The following ATG7 variants were observed in gnomAD, a reference collection of about 807,000 sequenced individuals.
ATG7 encodes autophagy related 7.
Under a neutral mutation model 82.4 loss-of-function variants are expected in ATG7, and 70 were observed. The observed-to-expected ratio is 0.85, with a 90% confidence interval of 0.70 to 1.04. The LOEUF (loss-of-function observed/expected upper bound fraction) is 1.04, where lower values mean the gene tolerates loss of function less well. ATG7 is among the 50% of genes least tolerant of loss of function. The pLI is 0.00. For missense variants in ATG7, 792 were observed against 864.3 expected, an observed-to-expected ratio of 0.92 and a Z score of 1.05; for synonymous variants, 287 against 313.0, an observed-to-expected ratio of 0.92 and a Z score of 0.88.
At chr3:11,511,003 C>A (rs6792986) in intron 20 of ATG7, among the ~76,000 whole-genome samples, 3 of 151,904 alleles carry the variant, frequency 2.0e-5, no homozygotes, top group Non-Finnish European at 4.4e-5. Context: ...CAGATGTGTT[C>A]GGAGTTTCTT....
intron 20 of ATG7, among the ~76,000 whole-genome samples, chr3:11,476,143 G>T (rs2088185799): frequency 6.6e-6 from 1 of 152,234 alleles, no homozygotes; most frequent in Non-Finnish European, 1.5e-5. Flanking sequence ...CTAAGGTGTA[G>T]AGAAAGCTGG....
chr3:11,563,462 C>T, the ATG7 span, among the ~76,000 whole-genome samples: 6 of 152,348 alleles, frequency 3.9e-5, no homozygotes, highest in Non-Finnish European at 7.3e-5. Flanking sequence ...TGCTGCTGCC[C>T]AACAGCACAA....
Position 11,532,483 on chromosome 3 carries a change from G to C in ATG7, c.2080-22328G>C, listed in dbSNP as rs561703757. On this transcript the variant is annotated intron_variant, in intron 20 of 20. Coordinates refer to ENST00000693202, the MANE Select transcript of ATG7 (RefSeq NM_001349232.2). ...CATGCCTGTAATCCCAGTGCTTTGG[G>C]AGGCCAAGGTAGGAGGATTGCTTGA... Among the ~76,000 whole-genome samples, 5 of 152,304 alleles carry C rather than the reference G, an allele frequency of 3.3e-5. No homozygotes were observed. In the South Asian group the frequency reaches 1.0e-3, roughly 32 times the overall value.
chr3:11,510,306 C>G (rs1181369124), intron 20 of ATG7: 1 of 456,328 alleles, frequency 2.2e-6, no homozygotes, highest in African/African-American at 2.0e-5. Context: ...AGAACAATTC[C>G]TTGCATTCAT....
chr3:11,526,674 C>G (rs1232962655), intron 20 of ATG7, among the ~76,000 whole-genome samples: 2 of 152,178 alleles, frequency 1.3e-5, no homozygotes, highest in Non-Finnish European at 2.9e-5. Context: ...ACAGTGGTAT[C>G]TTTTGCAAAT....
At chr3:11,362,970 T>G (rs370374329) in intron 17 of ATG7, 42 bp downstream of exon 17, 1 of 1,543,166 alleles carries the variant, frequency 6.5e-7, no homozygotes, top group South Asian at 1.2e-5. Flanking sequence ...ACAAAGCTTT[T>G]GTAGGCAGTT....
Position 11,510,278 on chromosome 3 carries a change from C to G in ATG7, c.2080-44533C>G, listed in dbSNP as rs138449360. The G allele has an allele frequency of 6.0e-4, 272 of 456,620 alleles. 1 individual carries two copies. In the East Asian group the frequency reaches 0.013, roughly 21 times the overall value. The allele number at this position is 456,620 out of a possible 1,614,324, so 28.3% of individuals were successfully genotyped here. A position where few individuals can be genotyped will look rare whatever the true frequency, so the allele number is the denominator to read the frequency against. On this transcript the variant is annotated intron_variant, in intron 20 of 20. Transcript: ENST00000693202. The stretch of plus-strand genomic sequence containing the variant: ...GTCGGCTGCCTGTCCTGAAATAGAT[C>G]TCTACCAGCTCTCAAGCAGAACAAT...
Position 11,554,735 on chromosome 3 carries a change from G to A in ATG7, c.2080-76G>A, listed in dbSNP as rs2072235348. 1.9e-6 allele frequency: 3 copies of A among 1,562,032 alleles called. No homozygotes were observed. In the African/African-American group the frequency reaches 4.1e-5, roughly 21 times the overall value. The stretch of plus-strand genomic sequence containing the variant: ...GCAGGTGGGAGCTGCCATGACTGCT[G>A]CGGTTTTGAAGCATCTGTGTGCCCC... On this transcript the variant is annotated intron_variant, in intron 20 of 20. Coordinates refer to ENST00000693202, the MANE Select transcript of ATG7 (RefSeq NM_001349232.2).
chr3:11,441,771 A>G (rs2083999219), intron 20 of ATG7, among the ~76,000 whole-genome samples: 1 of 150,080 alleles, frequency 6.7e-6, no homozygotes, highest in African/African-American at 2.5e-5. Context: ...GGTTCAAGCA[A>G]TTCTCCTGCC....
At chr3:11,494,979 G>A (rs2090700428) in intron 20 of ATG7, among the ~76,000 whole-genome samples, 1 of 152,148 alleles carries the variant, frequency 6.6e-6, no homozygotes, top group African/African-American at 2.4e-5. Context: ...GGCTGAGGCA[G>A]GAGAATCGCT....
intron 20 of ATG7, among the ~76,000 whole-genome samples, chr3:11,450,474 C>G (rs183516264): frequency 1.7e-4 from 26 of 152,294 alleles, no homozygotes; most frequent in African/African-American, 6.3e-4. Context: ...TATAAAGATT[C>G]TCTGGGACTA....
chr3:11,398,776 G>A lies in ATG7; in HGVS notation c.1956+18724G>A, dbSNP rs111441678. ...TGAGATAGGAGGATTGCTTAAGCCC[G>A]GGAGTTTGAGCTTATAGTGAGCTCT... On this transcript the variant is annotated intron_variant, in intron 19 of 20. Coordinates refer to ENST00000693202, the MANE Select transcript of ATG7 (RefSeq NM_001349232.2). Among the ~76,000 whole-genome samples the A allele has an allele frequency of 2.2e-3, 328 of 152,196 alleles. 1 individual carries two copies. Among genetic ancestry groups the A allele is most frequent in the African/African-American group, 7.5e-3 (312 of 41,532 alleles).
intron 19 of ATG7, among the ~76,000 whole-genome samples, chr3:11,411,706 C>T (rs936337081): frequency 1.4e-5 from 2 of 146,622 alleles, no homozygotes; most frequent in African/African-American, 5.0e-5. Context: ...TGCCTTTTTA[C>T]TCTGTTGATG....
chr3:11,370,855 G>T (rs944753309), intron 18 of ATG7, among the ~76,000 whole-genome samples: 9 of 147,300 alleles, frequency 6.1e-5, no homozygotes, highest in South Asian at 2.2e-4. Flanking sequence ...CGGGAGTTTT[G>T]TTTTTTTTTT....
rs917325007 is a variant in ATG7, at chr3:11,400,690, A to T, written c.1956+20638A>T. Reference sequence around the variant, plus strand: ...GTTAGTTTATGAGAATAACCTCAACAGCCATGCAGATTGGAGAGAGAGAAT... The same window carrying T: ...GTTAGTTTATGAGAATAACCTCAACTGCCATGCAGATTGGAGAGAGAGAAT... On this transcript the variant is annotated intron_variant, in intron 19 of 20. Transcript: ENST00000693202. 5.9e-5 allele frequency among the ~76,000 whole-genome samples: 9 copies of T among 152,200 alleles called. 1 individual carries two copies. The highest frequency in any genetic ancestry group is 6.3e-3 in the Middle Eastern group (2 of 316).
At chr3:11,575,613 G>A in the ATG7 span, among the ~76,000 whole-genome samples, 4 of 152,206 alleles carry the variant, frequency 2.6e-5, no homozygotes, top group Admixed American at 6.5e-5. Flanking sequence ...AGCGGCAGCC[G>A]CTTAAAGAAA....
intron 9 of ATG7, among the ~76,000 whole-genome samples, chr3:11,330,302 G>C (rs879529778): frequency 1.3e-5 from 2 of 152,132 alleles, no homozygotes; most frequent in African/African-American, 2.4e-5. Flanking sequence ...TATATAGTTT[G>C]GAAATTTTCT....
chr3:11,574,083 G>C, the ATG7 span, among the ~76,000 whole-genome samples: 1 of 152,162 alleles, frequency 6.6e-6, no homozygotes, highest in Non-Finnish European at 1.5e-5. Flanking sequence ...GAAGCAGCCA[G>C]CCCTGCTGAC....
In ATG7 at chr3:11,426,845, C is replaced by T. The variant is rs1166621190; in HGVS notation, c.1998C>T (p.Ala666=). The change falls in exon 20 of 21, where the codon GCC becomes GCT. Residue 666 remains alanine (A), a synonymous_variant. Coordinates refer to ENST00000693202, the MANE Select transcript of ATG7 (RefSeq NM_001349232.2). ...AACGAGAAGGATTTAACTTCCTAGC[C>T]AAGGTGTTTAATTCTTCACATTCCT... ...QYEREGFNFL[A]KVFNSSHSFL... is the part of the protein sequence containing the mutation. The T allele has an allele frequency of 6.2e-7, 1 of 1,611,178 alleles. No individual in the cohort carries two copies. The highest frequency in any genetic ancestry group is 8.5e-7 in the Non-Finnish European group (1 of 1,178,754).
Sources: allele counts gnomAD v4.1 joint callset (sites outside exome capture counted in the v4.1 genomes callset), GRCh38; gene constraint gnomAD v4.1.1; transcripts MANE v1.5; gene names NCBI Gene and HGNC (gene_info 2026-07-23, HGNC 2026-07-21).